The following ADAMTS12 variants were observed in gnomAD, a reference collection of about 807,000 sequenced individuals.
The protein encoded by ADAMTS12 is ADAM metallopeptidase with thrombospondin type 1 motif 12, also known as A disintegrin and metalloproteinase with thrombospondin motifs 12.
In ADAMTS12, 118 loss-of-function variants were observed where a neutral mutation model predicts 167.8. The ratio of observed to expected loss-of-function variants is 0.70; its 90% CI spans 0.61 to 0.82. ADAMTS12 has a LOEUF of 0.82. Among genes scored for constraint, ADAMTS12 ranks in the 40% least tolerant of loss-of-function variants. ADAMTS12 has a pLI of 0.00. For missense variants in ADAMTS12, 1,916 were observed against 1,998.8 expected (o/e 0.96, Z 0.79); for synonymous variants, 704 against 716.9 (o/e 0.98, Z 0.29).
At chr5:33,835,907 A>ATCTCTCTCTCTCTC (rs60393220) in intron 2 of ADAMTS12, among the ~76,000 whole-genome samples, 30 of 111,808 alleles carry the variant, frequency 2.7e-4, no homozygotes, top group East Asian at 8.3e-4. Context: ...GATAATATCC[A>ATCTCTCTCTCTCTC]TCTCTCTCTC....
rs575227385 is a variant in ADAMTS12 at position 33,531,580 on chromosome 5, C to T, written c.4606+3253G>A. 4.6e-5 allele frequency among the ~76,000 whole-genome samples: 7 copies of T among 152,310 alleles called. No homozygotes were observed. In the South Asian group the frequency reaches 1.5e-3, roughly 32 times the overall value. On this transcript the variant is annotated intron_variant, in intron 23 of 23. Coordinates refer to ENST00000504830, the MANE Select transcript of ADAMTS12 (RefSeq NM_030955.4). The stretch of plus-strand genomic sequence containing the variant: ...TGGAAATTGAATGTTGTCTCAATAG[C>T]TCCCAAGCTTTGTCTCTGAGAGAAT...
intron 13 of ADAMTS12, among the ~76,000 whole-genome samples, chr5:33,625,897 A>G (rs1739565461): frequency 6.6e-6 from 1 of 152,214 alleles, no homozygotes; most frequent in South Asian, 2.1e-4. Context: ...AAACATAAGG[A>G]GCTCTCAGGG....
At position 33,589,045 on chromosome 5, in the gene ADAMTS12, A is replaced by T. The variant is rs528934504; in HGVS notation, c.2655-236T>A. Among the ~76,000 whole-genome samples, 28 of 152,314 alleles carry T rather than the reference A, an allele frequency of 1.8e-4. 1 individual carries two copies. In the Middle Eastern group the frequency reaches 0.01, roughly 56 times the overall value. On this transcript the variant is annotated intron_variant, in intron 17 of 23. Coordinates refer to ENST00000504830, the MANE Select transcript of ADAMTS12 (RefSeq NM_030955.4). ...CTAAATACGCATGTTTTTGAATGAG[A>T]AAAAAATATATATGCATGCCCTCTC...
intron 2 of ADAMTS12, among the ~76,000 whole-genome samples, chr5:33,877,747 GGAA>G (rs1337727777): frequency 2.0e-5 from 3 of 152,114 alleles, no homozygotes; most frequent in Non-Finnish European, 4.4e-5. Flanking sequence ...ATTAAATGCA[GGAA>G]GAAGGTTGTC....
chr5:33,878,903 G>C (rs1316648618), intron 2 of ADAMTS12, among the ~76,000 whole-genome samples: 5 of 152,132 alleles, frequency 3.3e-5, no homozygotes, highest in Non-Finnish European at 5.9e-5. Context: ...CTAGTCCAGG[G>C]CTCCTCCAAC....
At chr5:33,872,060 A>G (rs952530627) in intron 2 of ADAMTS12, among the ~76,000 whole-genome samples, 3 of 152,230 alleles carry the variant, frequency 2.0e-5, no homozygotes, top group African/African-American at 7.2e-5. Context: ...AATTGAATCA[A>G]TAATTAATAA....
intron 2 of ADAMTS12, among the ~76,000 whole-genome samples, chr5:33,776,505 T>C (rs1453416171): frequency 6.6e-6 from 1 of 151,852 alleles, no homozygotes; most frequent in African/African-American, 2.4e-5. Context: ...AAAATGGAAA[T>C]CAAAACATAT....
intron 1 of ADAMTS12, among the ~76,000 whole-genome samples, chr5:33,891,087 G>C (rs906611057): frequency 6.6e-6 from 1 of 152,144 alleles, no homozygotes; most frequent in Non-Finnish European, 1.5e-5. Context: ...CCACCAGAAC[G>C]CTTCCAATGC....
intron 2 of ADAMTS12, among the ~76,000 whole-genome samples, chr5:33,800,717 C>G (rs558634665): frequency 2.7e-4 from 41 of 152,158 alleles, no homozygotes; most frequent in Non-Finnish European, 5.6e-4. Flanking sequence ...TCAGTCTTCT[C>G]CTACAAGAAG....
chr5:33,806,273 T>G (rs1747225174), intron 2 of ADAMTS12, among the ~76,000 whole-genome samples: 1 of 152,150 alleles, frequency 6.6e-6, no homozygotes, highest in African/African-American at 2.4e-5. Context: ...TCTCTCCCCT[T>G]ACTCCCAATA....
At chr5:33,879,768 T>C (rs190754070) in intron 2 of ADAMTS12, among the ~76,000 whole-genome samples, 4 of 152,352 alleles carry the variant, frequency 2.6e-5, no homozygotes, top group Admixed American at 2.0e-4. Context: ...GGATAATGTT[T>C]TACTGAATTT....
chr5:33,637,961 A>G (rs1472769623), intron 11 of ADAMTS12, among the ~76,000 whole-genome samples: 2 of 152,312 alleles, frequency 1.3e-5, no homozygotes, highest in East Asian at 1.9e-4. Context: ...TAGTTTATAT[A>G]TCATTTCCAC....
At chr5:33,666,727 G>A (rs959785749) in intron 5 of ADAMTS12, among the ~76,000 whole-genome samples, 1 of 152,096 alleles carries the variant, frequency 6.6e-6, no homozygotes, top group Non-Finnish European at 1.5e-5. Context: ...TCTTGACCTC[G>A]TGATCTGCCT....
Position 33,573,958 on chromosome 5 carries a change from A to G in ADAMTS12, c.3972+2096T>C, listed in dbSNP as rs150741805. Among the ~76,000 whole-genome samples the G allele has an allele frequency of 4.1e-3, 632 of 152,382 alleles. 5 individuals carry two copies. Among genetic ancestry groups the G allele is most frequent in the Middle Eastern group, 6.8e-3 (2 of 294 alleles). On this transcript the variant is annotated intron_variant, in intron 19 of 23. Transcript: ENST00000504830. Reference sequence around the variant, plus strand: ...AAAGGATATGAGCAGATACTTCTCAAAAGAAGACATTTATGCAGCCAAAAG... The same window carrying G: ...AAAGGATATGAGCAGATACTTCTCAGAAGAAGACATTTATGCAGCCAAAAG...
chr5:33,574,404 A>G (rs941228710), intron 19 of ADAMTS12, among the ~76,000 whole-genome samples: 6 of 152,190 alleles, frequency 3.9e-5, no homozygotes, highest in Non-Finnish European at 5.9e-5. Flanking sequence ...ACACCATGGA[A>G]TACTACGCAG....
intron 3 of ADAMTS12, among the ~76,000 whole-genome samples, chr5:33,736,719 T>A (rs1392328143): frequency 1.3e-5 from 2 of 152,174 alleles, no homozygotes; most frequent in Non-Finnish European, 2.9e-5. Context: ...TTATGAAACA[T>A]GTGAAGAATT....
intron 18 of ADAMTS12, among the ~76,000 whole-genome samples, chr5:33,585,078 CA>C (rs1313586234): frequency 6.7e-6 from 1 of 150,012 alleles, no homozygotes; most frequent in African/African-American, 2.4e-5. Context: ...TCCATCCATC[CA>C]TCCCTCCAAG....
rs60393220 is a variant in ADAMTS12, at chr5:33,835,907, ATCTCTCTC to A, written c.489+45204_489+45211del. Among the ~76,000 whole-genome samples the A allele has an allele frequency of 7.3e-4, 82 of 111,856 alleles. No individual in the cohort carries two copies. The East Asian group carries it at 8.5e-3, about 12-fold the overall frequency. The allele number at this position is 111,856 out of a possible 152,430, so 73.4% of individuals were successfully genotyped here. A position where few individuals can be genotyped will look rare whatever the true frequency, so the allele number is the denominator to read the frequency against. On this transcript the variant is annotated intron_variant, in intron 2 of 23. Transcript: ENST00000504830. ...CATGATCAAACTGAGGATAATATCC[ATCTCTCTC>A]TCTCTCTCTCTCTCTCTCTCTCTCT...
Position 33,576,158 on chromosome 5 carries a change from C to T in ADAMTS12, c.3868G>A (p.Ala1290Thr). The change falls in exon 19 of 24, where the codon GCA (alanine) becomes ACA (threonine). Residue 1290 changes from alanine (A) to threonine (T), a missense_variant. Coordinates refer to ENST00000504830, the MANE Select transcript of ADAMTS12 (RefSeq NM_030955.4). ...SSEPVLTEEDATSLITEGFLL... is the reference protein window; with the variant it reads ...SSEPVLTEEDTTSLITEGFLL... ...AAGCCCTCAGTAATCAGACTTGTTG[C>T]ATCCTCCTCAGTCAGGACTGGTTCA... 5 of 1,614,204 alleles carry T rather than the reference C, an allele frequency of 3.1e-6. No homozygotes were observed. Among genetic ancestry groups the T allele is most frequent in the Non-Finnish European group, 4.2e-6 (5 of 1,180,040 alleles).
Sources: gnomAD v4.1 joint callset for allele counts (sites outside exome capture counted in the v4.1 genomes callset) on GRCh38, gnomAD v4.1.1 for gene constraint, MANE v1.5 for transcripts, NCBI Gene and HGNC (gene_info 2026-07-23, HGNC 2026-07-21) for gene names.